AGAP1: variants seen among roughly 807,000 people sequenced by gnomAD.
The protein encoded by AGAP1 is arf-GAP with GTPase, ANK repeat and PH domain-containing protein 1.
In AGAP1, 29 loss-of-function variants were observed where a neutral mutation model predicts 105.3. The ratio of observed to expected loss-of-function variants is 0.28; its 90% CI spans 0.21 to 0.38. AGAP1 has a LOEUF of 0.38. Among genes scored for constraint, AGAP1 ranks in the 10% least tolerant of loss-of-function variants. AGAP1 has a pLI of 1.00. For missense variants in AGAP1, 998 were observed against 1,165.1 expected (o/e 0.86, Z 2.09); for synonymous variants, 509 against 485.9 (o/e 1.05, Z -0.63).
chr2:235,614,679 CAG>C lies in AGAP1; in HGVS notation c.164-94499_164-94498del, dbSNP rs1463681926. 1.3e-5 allele frequency among the ~76,000 whole-genome samples: 2 copies of C among 152,218 alleles called. No individual in the cohort carries two copies. The highest frequency in any genetic ancestry group is 2.9e-5 in the Non-Finnish European group (2 of 68,038). On this transcript the variant is annotated intron_variant, in intron 1 of 17. Coordinates refer to ENST00000304032, the MANE Select transcript of AGAP1 (RefSeq NM_001037131.3). This position sits in a 1 kb window ranked among gnomAD's most constrained non-coding sequence, Gnocchi z 4.7. ...CTTGTGGTTTGGGGTGTGCCAGGCT[CAG>C]GGGCAGGGCCCTTTTTCCACACGCT... is the stretch of plus-strand genomic sequence containing the variant.
chr2:235,874,730 T>C lies in AGAP1; in HGVS notation c.1051-8615T>C, dbSNP rs769446845. Among the ~76,000 whole-genome samples, 11 of 152,142 alleles carry C rather than the reference T, an allele frequency of 7.2e-5. No individual in the cohort carries two copies. The highest frequency in any genetic ancestry group is 1.6e-4 in the Non-Finnish European group (11 of 68,012). ...TTTCAAGAGAACCTGGACATGTGAA[T>C]GTGAAAGAGAAGGCACTCATGTATA... On this transcript the variant is annotated intron_variant, in intron 9 of 17. Transcript: ENST00000304032. This position sits in a 1 kb window ranked among gnomAD's most constrained non-coding sequence, Gnocchi z 4.5.
intron 16 of AGAP1, among the ~76,000 whole-genome samples, chr2:236,091,832 CGTT>C (rs2059068186): frequency 6.6e-6 from 1 of 152,240 alleles, no homozygotes; most frequent in South Asian, 2.1e-4. Flanking sequence ...TTCTTAGTGG[CGTT>C]GTTCGTAAGA....
chr2:236,053,081 G>A lies in AGAP1; in HGVS notation c.2114+3800G>A. Among the ~76,000 whole-genome samples the A allele has an allele frequency of 6.6e-6, 1 of 152,164 alleles. No homozygotes were observed. The highest frequency in any genetic ancestry group is 1.9e-4 in the East Asian group (1 of 5,168). ...GTACCATAACGTAGCGTGTTGTAGG[G>A]CGTCGAGCAGCTGGGCCGGGGGCCA... On this transcript the variant is annotated intron_variant, in intron 16 of 17. Transcript: ENST00000304032. The surrounding 1 kb of genome is among the most constrained non-coding windows in gnomAD (Gnocchi z 4.6).
intron 1 of AGAP1, among the ~76,000 whole-genome samples, chr2:235,592,403 T>TG (rs1945376470): frequency 6.6e-6 from 1 of 151,454 alleles, no homozygotes; most frequent in Non-Finnish European, 1.5e-5. Flanking sequence ...AGCCATGTTC[T>TG]GGGGGGCAGT....
intron 1 of AGAP1, among the ~76,000 whole-genome samples, chr2:235,653,420 C>T (rs576600344): frequency 3.3e-5 from 5 of 152,086 alleles, no homozygotes; most frequent in South Asian, 4.1e-4. Flanking sequence ...GCCGAGATAG[C>T]GCCACTGCAT....
chr2:235,604,078 T>C (rs888591421), intron 1 of AGAP1, among the ~76,000 whole-genome samples: 1 of 152,034 alleles, frequency 6.6e-6, no homozygotes, highest in Non-Finnish European at 1.5e-5. Flanking sequence ...TTGCTCATTT[T>C]TTTTTTCCTT....
chr2:235,850,059 C>G (rs568095390), intron 9 of AGAP1, among the ~76,000 whole-genome samples: 49 of 152,322 alleles, frequency 3.2e-4, no homozygotes, highest in Admixed American at 1.1e-3. Context: ...CTGGCACCTG[C>G]CTTTCCCACC....
At chr2:235,885,367 G>A (rs1311054479) in intron 10 of AGAP1, among the ~76,000 whole-genome samples, 2 of 152,102 alleles carry the variant, frequency 1.3e-5, no homozygotes, top group East Asian at 3.9e-4. Flanking sequence ...ATGAACCTTG[G>A]CAGATAAATT....
chr2:236,032,473 G>A (rs779232073), intron 13 of AGAP1, among the ~76,000 whole-genome samples: 2 of 152,174 alleles, frequency 1.3e-5, no homozygotes, highest in African/African-American at 2.4e-5. Context: ...AGGTGCTCCA[G>A]AAAGAGGGGG....
chr2:235,517,214 G>T lies in AGAP1; in HGVS notation c.163+22365G>T, dbSNP rs1942425398. ...CCGTTCTCAGGAGGACACCAGTCTT[G>T]TTGGATGAGGGTCCCACCCTTAAGC... On this transcript the variant is annotated intron_variant, in intron 1 of 17. Transcript: ENST00000304032. The surrounding 1 kb of genome is among the most constrained non-coding windows in gnomAD (Gnocchi z 4.1). Among the ~76,000 whole-genome samples, 1 of 152,194 alleles carries T rather than the reference G, an allele frequency of 6.6e-6. No individual in the cohort carries two copies. The highest frequency in any genetic ancestry group is 6.5e-5 in the Admixed American group (1 of 15,284).
At chr2:235,839,489 C>T (rs1960551985) in intron 9 of AGAP1, among the ~76,000 whole-genome samples, 1 of 149,438 alleles carries the variant, frequency 6.7e-6, no homozygotes. Context: ...GCTCATGCCT[C>T]TAATCTCAGC....
chr2:235,912,715 A>G (rs932642890), intron 11 of AGAP1, among the ~76,000 whole-genome samples: 2 of 152,226 alleles, frequency 1.3e-5, no homozygotes, highest in Admixed American at 6.5e-5. Flanking sequence ...ACATTTCCAA[A>G]TTAACTTCTA....
intron 10 of AGAP1, among the ~76,000 whole-genome samples, chr2:235,885,173 T>C (rs1273793166): frequency 6.6e-6 from 1 of 152,234 alleles, no homozygotes; most frequent in East Asian, 1.9e-4. Context: ...GCTATTTCTA[T>C]GTATATTTCT....
chr2:235,894,309 T>C (rs532423367), intron 10 of AGAP1, among the ~76,000 whole-genome samples: 1 of 152,250 alleles, frequency 6.6e-6, no homozygotes, highest in East Asian at 1.9e-4. Flanking sequence ...ATAATCCCCA[T>C]TGAACAGAGC....
At chr2:235,495,310 G>A (rs539103001) in intron 1 of AGAP1, among the ~76,000 whole-genome samples, 1 of 152,366 alleles carries the variant, frequency 6.6e-6, no homozygotes, top group South Asian at 2.1e-4. Flanking sequence ...GCGGTGCAGG[G>A]CTGCCCTCCT....
chr2:235,588,522 C>T (rs1219180324), intron 1 of AGAP1, among the ~76,000 whole-genome samples: 3 of 152,112 alleles, frequency 2.0e-5, no homozygotes, highest in African/African-American at 7.2e-5. Flanking sequence ...TCACACTTAA[C>T]CCCTCCAAAT....
Position 235,549,263 on chromosome 2 carries a change from G to A in AGAP1, c.163+54414G>A, listed in dbSNP as rs1193518739. On this transcript the variant is annotated intron_variant, in intron 1 of 17. Coordinates refer to ENST00000304032, the MANE Select transcript of AGAP1 (RefSeq NM_001037131.3). The surrounding 1 kb of genome is among the most constrained non-coding windows in gnomAD (Gnocchi z 4.2). Reference sequence around the variant, plus strand: ...CTGGTTTCTGTAGGTGACAAAGCTGGGGGGAACGTGGAGGACAGGGATGAC... The same window carrying A: ...CTGGTTTCTGTAGGTGACAAAGCTGAGGGGAACGTGGAGGACAGGGATGAC... 6.6e-6 allele frequency among the ~76,000 whole-genome samples: 1 copy of A among 152,234 alleles called. No individual in the cohort carries two copies. Among genetic ancestry groups the A allele is most frequent in the Non-Finnish European group, 1.5e-5 (1 of 68,034 alleles).
In AGAP1 at chr2:235,702,934, G is replaced by GTTTTTTTTTTTTTTTTTT. The variant is rs549844265; in HGVS notation, c.164-6233_164-6232insTTTTTTTTTTTTTTTTTT. ...TGGTCACTGTGAGCCAGTTTTCTTG[G>GTTTTTTTTTTTTTTTTTT]TTTTTTTTTTTTGGACAGAGTCTGG... On this transcript the variant is annotated intron_variant, in intron 1 of 17. Coordinates refer to ENST00000304032, the MANE Select transcript of AGAP1 (RefSeq NM_001037131.3). 4.4e-3 allele frequency among the ~76,000 whole-genome samples: 390 copies of GTTTTTTTTTTTTTTTTTT among 88,908 alleles called. 55 individuals carry two copies. Among genetic ancestry groups the GTTTTTTTTTTTTTTTTTT allele is most frequent in the African/African-American group, 0.012 (319 of 26,858 alleles). The allele number at this position is 88,908 out of a possible 152,430, so 58.3% of individuals were successfully genotyped here.
rs141890672 is a variant in AGAP1, at chr2:235,856,854, C to T, written c.1051-26491C>T. 6.7e-4 allele frequency among the ~76,000 whole-genome samples: 102 copies of T among 152,378 alleles called. 1 individual carries two copies. The East Asian group carries it at 0.016, about 24-fold the overall frequency. ...AGACCTGAAGGCCTCCTGCAAGTGC[C>T]AGCCACTGTCGTGAGCTCAGGTGTC... On this transcript the variant is annotated intron_variant, in intron 9 of 17. Coordinates refer to ENST00000304032, the MANE Select transcript of AGAP1 (RefSeq NM_001037131.3).
Sources: gnomAD v4.1 joint callset for allele counts (sites outside exome capture counted in the v4.1 genomes callset) on GRCh38, gnomAD v4.1.1 for gene constraint, Gnocchi (gnomAD v3.1) non-coding constraint, MANE v1.5 for transcripts, NCBI Gene and HGNC (gene_info 2026-07-23, HGNC 2026-07-21) for gene names.